The following RTN1 variants were observed in gnomAD, a reference collection of about 807,000 sequenced individuals.
The protein encoded by RTN1 is reticulon-1.
Under a neutral mutation model 65.5 loss-of-function variants are expected in RTN1, and 25 were observed. The observed-to-expected ratio is 0.38, with a 90% CI of 0.28 to 0.53. The LOEUF is 0.53. Among genes scored for constraint, RTN1 ranks in the 20% least tolerant of loss-of-function variants. The pLI, the probability that RTN1 is intolerant of heterozygous loss-of-function variation, is 0.79. For missense variants in RTN1, 983 were observed against 1,025.4 expected (o/e 0.96, Z 0.57); for synonymous variants, 471 against 447.6 (o/e 1.05, Z -0.66).
At chr14:59,668,167 C>G (rs180809391) in intron 3 of RTN1, among the ~76,000 whole-genome samples, 1 of 152,076 alleles carries the variant, frequency 6.6e-6, no homozygotes, top group African/African-American at 2.4e-5. Context: ...AGAAAAAGAA[C>G]AAAGCTGGAG....
intron 1 of RTN1, among the ~76,000 whole-genome samples, chr14:59,834,226 C>T (rs1287849190): frequency 6.6e-6 from 1 of 151,982 alleles, no homozygotes; most frequent in Non-Finnish European, 1.5e-5. Flanking sequence ...AAAATATGGA[C>T]CTATATATAA....
chr14:59,694,457 A>C (rs1421608993), intron 3 of RTN1, among the ~76,000 whole-genome samples: 1 of 152,224 alleles, frequency 6.6e-6, no homozygotes, highest in African/African-American at 2.4e-5. Flanking sequence ...TTTTCTGAGA[A>C]TCAGAGATTT....
intron 3 of RTN1, among the ~76,000 whole-genome samples, chr14:59,622,801 A>C (rs1334116381): frequency 1.3e-5 from 2 of 152,210 alleles, no homozygotes; most frequent in African/African-American, 4.8e-5. Context: ...GAAGGTTCAC[A>C]TGGTAATCTA....
At chr14:59,763,467 C>T (rs1423573794) in intron 1 of RTN1, among the ~76,000 whole-genome samples, 1 of 151,862 alleles carries the variant, frequency 6.6e-6, no homozygotes, top group East Asian at 1.9e-4. Context: ...AAGAAAAAGG[C>T]CAATAAATTA....
intron 1 of RTN1, among the ~76,000 whole-genome samples, chr14:59,747,659 T>C (rs1885256923): frequency 1.3e-5 from 2 of 152,174 alleles, no homozygotes; most frequent in Admixed American, 6.6e-5. Flanking sequence ...ACTGTTTTAC[T>C]TTGCTGTAAA....
At chr14:59,750,185 A>ATATATAT (rs1566713268) in intron 1 of RTN1, among the ~76,000 whole-genome samples, 1 of 21,896 alleles carries the variant, frequency 4.6e-5, no homozygotes, top group East Asian at 1.3e-3. Context: ...AATATATAAT[A>ATATATAT]CATATATTAT....
chr14:59,765,712 G>A (rs1213472691), intron 1 of RTN1, among the ~76,000 whole-genome samples: 1 of 151,022 alleles, frequency 6.6e-6, no homozygotes, highest in Non-Finnish European at 1.5e-5. Flanking sequence ...GTTCTGGAAA[G>A]GAACCAGCAA....
intron 1 of RTN1, among the ~76,000 whole-genome samples, chr14:59,800,397 T>C (rs1001485688): frequency 1.3e-5 from 2 of 152,156 alleles, no homozygotes; most frequent in African/African-American, 2.4e-5. Context: ...CTTTTTGTTG[T>C]TGTTGTTTTT....
At chr14:59,831,844 C>G (rs1594759651) in intron 1 of RTN1, among the ~76,000 whole-genome samples, 1 of 151,920 alleles carries the variant, frequency 6.6e-6, no homozygotes, top group African/African-American at 2.4e-5. Flanking sequence ...CTTGTTCCCC[C>G]CTCACTCTCT....
rs946571147 is a variant in RTN1 at position 59,870,483 on chromosome 14, C to G, written c.148G>C (p.Gly50Arg). The change falls in exon 1 of 9, where the codon GGG (glycine) becomes CGG (arginine). Residue 50 changes from glycine to arginine, a missense_variant. Transcript: ENST00000267484. This position sits in a 1 kb window ranked among gnomAD's most constrained non-coding sequence, Gnocchi z 5.1. ...GCTTCCCGGGCCCTGGCGCCCAACC[C>G]CGGGCTGGGCTCCCCAGCCTGCGGC... ...PAPQAGEPSP[G>R]LGARAREAAS... 21 of 1,465,728 alleles carry G rather than the reference C, an allele frequency of 1.4e-5. No individual in the cohort carries two copies. In the African/African-American group the frequency reaches 3.1e-4, roughly 21 times the overall value. 90.8% of individuals were successfully genotyped at this position (1,465,728 alleles called of 1,614,324 possible).
chr14:59,841,953 C>T (rs1438673566), intron 1 of RTN1, among the ~76,000 whole-genome samples: 2 of 151,796 alleles, frequency 1.3e-5, no homozygotes, highest in Non-Finnish European at 2.9e-5. Context: ...TGGCAAAACC[C>T]CATCTCTACT....
chr14:59,695,345 G>A (rs1884041317), intron 3 of RTN1, among the ~76,000 whole-genome samples: 1 of 152,158 alleles, frequency 6.6e-6, no homozygotes, highest in Non-Finnish European at 1.5e-5. Context: ...CTGGCTTTGG[G>A]CTTGGCTATG....
chr14:59,839,172 T>C (rs1175729238), intron 1 of RTN1, among the ~76,000 whole-genome samples: 1 of 152,358 alleles, frequency 6.6e-6, no homozygotes, highest in East Asian at 1.9e-4. Context: ...TTTGAATAGA[T>C]AATCTTTAGG....
Position 59,794,285 on chromosome 14 carries a change from G to A in RTN1, c.242-47804C>T, listed in dbSNP as rs2139592596. 6.6e-6 allele frequency among the ~76,000 whole-genome samples: 1 copy of A among 152,312 alleles called. No individual in the cohort carries two copies. The highest frequency in any genetic ancestry group is 2.4e-5 in the African/African-American group (1 of 41,572). On this transcript the variant is annotated intron_variant, in intron 1 of 8. Transcript: ENST00000267484. The surrounding 1 kb of genome is among the most constrained non-coding windows in gnomAD (Gnocchi z 5.1). ...CAAGAAGTTTTCTGTGCCCTTGAGTGTTAACAGAAACACGTCTAACCCAAG... is the reference window on the plus strand; with the variant it reads ...CAAGAAGTTTTCTGTGCCCTTGAGTATTAACAGAAACACGTCTAACCCAAG...
intron 3 of RTN1, among the ~76,000 whole-genome samples, chr14:59,673,977 G>T (rs1023775497): frequency 7.9e-5 from 12 of 152,044 alleles, no homozygotes; most frequent in African/African-American, 2.7e-4. Context: ...TGTATTCATG[G>T]TATTTGTGTG....
intron 3 of RTN1, among the ~76,000 whole-genome samples, chr14:59,723,530 T>C (rs1156926533): frequency 6.6e-6 from 1 of 151,870 alleles, no homozygotes; most frequent in Non-Finnish European, 1.5e-5. Flanking sequence ...GACAGTAGAA[T>C]GGCGTGAACC....
chr14:59,771,400 G>C (rs1236169968), intron 1 of RTN1, among the ~76,000 whole-genome samples: 2 of 152,178 alleles, frequency 1.3e-5, no homozygotes, highest in African/African-American at 4.8e-5. Context: ...GCTTTTTAAG[G>C]TGTCAACTTG....
intron 3 of RTN1, among the ~76,000 whole-genome samples, chr14:59,679,288 A>AT (rs1883694967): frequency 6.6e-6 from 1 of 152,208 alleles, no homozygotes; most frequent in Admixed American, 6.5e-5. Flanking sequence ...TCTCTGCTAA[A>AT]TTGAGTTATC....
intron 1 of RTN1, among the ~76,000 whole-genome samples, chr14:59,758,705 T>C (rs890850037): frequency 6.6e-6 from 1 of 152,230 alleles, no homozygotes; most frequent in Non-Finnish European, 1.5e-5. Flanking sequence ...TTTTTCTATA[T>C]ACTTGTTAAG....
Sources: gnomAD v4.1 joint callset for allele counts (sites outside exome capture counted in the v4.1 genomes callset) on GRCh38, gnomAD v4.1.1 for gene constraint, Gnocchi (gnomAD v3.1) non-coding constraint, MANE v1.5 for transcripts, NCBI Gene and HGNC (gene_info 2026-07-23, HGNC 2026-07-21) for gene names.